RNF19B: variants seen among roughly 807,000 people sequenced by gnomAD.
RNF19B encodes ring finger protein 19B.
A neutral mutation model predicts 65.5 loss-of-function variants in RNF19B; 23 were observed. The observed-to-expected ratio is 0.35, with a 90% CI of 0.25 to 0.50. The LOEUF is 0.50. Ranked by LOEUF, RNF19B falls within the 20% of genes least tolerant of loss-of-function variation. The pLI is 0.98. For synonymous variants in RNF19B, 372 were observed against 379.6 expected, an observed-to-expected ratio of 0.98 and a Z score of 0.23; for missense variants, 794 against 980.0, an observed-to-expected ratio of 0.81 and a Z score of 2.53.
Position 32,937,165 on chromosome 1 carries a change from C to T in RNF19B, c.1837G>A (p.Val613Ile), listed in dbSNP as rs1353516098. The T allele has an allele frequency of 1.2e-6, 2 of 1,614,082 alleles. No individual in the cohort carries two copies. The highest frequency in any genetic ancestry group is 1.7e-6 in the Non-Finnish European group (2 of 1,180,050). ...TCATTCTCTGCCATCTGAGCATGAA[C>T]ATGGAGCGAGTCCTCCGTGCTGCTT... ...SGSSTEDSLHVHAQMAENEEE... is the reference protein window; with the variant it reads ...SGSSTEDSLHIHAQMAENEEE... The change falls in exon 9 of 9, where the codon GTT (valine) becomes ATT (isoleucine). Residue 613 changes from valine (V) to isoleucine (I), a missense_variant. This residue lies in a region of RNF19B where 368 missense variants were observed against 447.3 expected (regional missense o/e 0.82). Transcript: ENST00000235150.
intron 1 of RNF19B, among the ~76,000 whole-genome samples, chr1:32,958,066 A>G (rs550597966): frequency 6.6e-6 from 1 of 152,332 alleles, no homozygotes; most frequent in South Asian, 2.1e-4. Context: ...CTCTCAATCT[A>G]TTCAGAGCAT....
At chr1:32,951,238 A>C (rs970164012) in intron 1 of RNF19B, among the ~76,000 whole-genome samples, 2 of 152,242 alleles carry the variant, frequency 1.3e-5, no homozygotes, top group African/African-American at 4.8e-5. Flanking sequence ...TTTTTTAAAA[A>C]ATCCAGGTTT....
At chr1:32,955,231 T>A (rs1407172111) in intron 1 of RNF19B, among the ~76,000 whole-genome samples, 1 of 152,114 alleles carries the variant, frequency 6.6e-6, no homozygotes, top group Non-Finnish European at 1.5e-5. Context: ...TCTCTTGTTT[T>A]GGTTGTTTGA....
downstream of RNF19B, among the ~76,000 whole-genome samples, chr1:32,932,157 C>T (rs1034676281): frequency 1.3e-5 from 2 of 152,132 alleles, no homozygotes; most frequent in Non-Finnish European, 2.9e-5. Context: ...ATAGGCTGGG[C>T]CTCCAGGCGA....
At chr1:32,940,303 C>T (rs961796282) in intron 7 of RNF19B, among the ~76,000 whole-genome samples, 4 of 152,146 alleles carry the variant, frequency 2.6e-5, no homozygotes, top group African/African-American at 9.7e-5. Flanking sequence ...AGGTGCCACT[C>T]CAGGAAATTC....
downstream of RNF19B, among the ~76,000 whole-genome samples, chr1:32,934,590 AG>A (rs1395945948): frequency 6.6e-6 from 1 of 151,890 alleles, no homozygotes; most frequent in Non-Finnish European, 1.5e-5. Flanking sequence ...CTGAGACTTG[AG>A]AATCACTTGA....
the RNF19B span, among the ~76,000 whole-genome samples, chr1:32,930,405 CG>C: frequency 1.1e-4 from 16 of 144,592 alleles, no homozygotes; most frequent in Non-Finnish European, 2.0e-4. Context: ...CCACCATGCC[CG>C]GCTGATTTTT....
chr1:32,958,615 C>T (rs1446669307), intron 1 of RNF19B, among the ~76,000 whole-genome samples: 4 of 151,758 alleles, frequency 2.6e-5, no homozygotes, highest in African/African-American at 9.7e-5. Context: ...ACTCAGGAGG[C>T]TGAGGCAGGA....
downstream of RNF19B, among the ~76,000 whole-genome samples, chr1:32,931,577 T>C (rs1014352640): frequency 1.3e-5 from 2 of 152,232 alleles, no homozygotes; most frequent in African/African-American, 4.8e-5. Context: ...CATTTTCACA[T>C]AAGAGGCCTG....
At chr1:32,943,149 AAAAAGAAAAGAAAAAAGGAAGCTAG>A (rs1209000315) in intron 6 of RNF19B, among the ~76,000 whole-genome samples, 4 of 151,982 alleles carry the variant, frequency 2.6e-5, no homozygotes, top group African/African-American at 9.7e-5. Context: ...TCAAAAAAAA[AAAAAGAAAAGAAAAAAGGAAGCTAG>A]AAAAACCTTT....
At chr1:32,941,990 A>G (rs1412790151) in intron 7 of RNF19B, among the ~76,000 whole-genome samples, 1 of 151,878 alleles carries the variant, frequency 6.6e-6, no homozygotes, top group African/African-American at 2.4e-5. Context: ...CCAGCTACTC[A>G]GTAGGCTGAG....
downstream of RNF19B, among the ~76,000 whole-genome samples, chr1:32,935,628 C>T (rs11811062): frequency 0.035 from 5,289 of 152,256 alleles, 293 homozygotes; most frequent in African/African-American, 0.12. Context: ...TATCAGAACA[C>T]GGAGTGGTAT....
At chr1:32,941,785 T>A (rs1173101912) in intron 7 of RNF19B, among the ~76,000 whole-genome samples, 1 of 151,916 alleles carries the variant, frequency 6.6e-6, no homozygotes, top group Non-Finnish European at 1.5e-5. Context: ...TTTCTAAGCT[T>A]GTTTCCTATT....
chr1:32,935,843 G>A (rs952622092), downstream of RNF19B, among the ~76,000 whole-genome samples: 4 of 151,924 alleles, frequency 2.6e-5, no homozygotes, highest in African/African-American at 9.7e-5. Flanking sequence ...GCCTCCCCAG[G>A]CTCAAGCGCT....
At chr1:32,945,100 A>G (rs1642334795) in intron 5 of RNF19B, among the ~76,000 whole-genome samples, 1 of 152,212 alleles carries the variant, frequency 6.6e-6, no homozygotes, top group South Asian at 2.1e-4. Flanking sequence ...GAAGAGCCAC[A>G]TTAAATGTTA....
At chr1:32,934,137 C>G (rs888569700), downstream of RNF19B, among the ~76,000 whole-genome samples, 1 of 152,236 alleles carries the variant, frequency 6.6e-6, no homozygotes, top group African/African-American at 2.4e-5. Flanking sequence ...AGTCCACTAA[C>G]AGCATTTCCT....
chr1:32,941,413 G>A (rs1367611804), intron 7 of RNF19B, among the ~76,000 whole-genome samples: 6 of 152,006 alleles, frequency 3.9e-5, no homozygotes, highest in African/African-American at 9.7e-5. Context: ...GGTGGTGCAC[G>A]CCTGTAGTCC....
rs188168314 is a variant in RNF19B, at chr1:32,950,684, G to A, written c.636-910C>T. Among the ~76,000 whole-genome samples, 32 of 151,510 alleles carry A rather than the reference G, an allele frequency of 2.1e-4. No individual in the cohort carries two copies. In the East Asian group the frequency reaches 4.9e-3, roughly 23 times the overall value. On this transcript the variant is annotated intron_variant, in intron 1 of 8. Coordinates refer to ENST00000235150, the MANE Select transcript of RNF19B (RefSeq NM_001300826.2). ...CTAGAGTAGCTGGGACTACAGGTGCGCACCACCACACTTGGCTAATTTTTG... is the reference window on the plus strand; with the variant it reads ...CTAGAGTAGCTGGGACTACAGGTGCACACCACCACACTTGGCTAATTTTTG...
intron 1 of RNF19B, 123 bp downstream of exon 1, chr1:32,963,928 C>G: frequency 7.4e-7 from 1 of 1,342,764 alleles, no homozygotes; most frequent in East Asian, 3.1e-5. Flanking sequence ...ATGGTTACCA[C>G]CCCGCCGAAG....
Sources: gnomAD v4.1 joint callset for allele counts (sites outside exome capture counted in the v4.1 genomes callset) on GRCh38, gnomAD v4.1.1 for gene constraint, gnomAD v4.1.1 regional missense constraint, MANE v1.5 for transcripts, NCBI Gene and HGNC (gene_info 2026-07-23, HGNC 2026-07-21) for gene names.